ITGA4: variants seen among roughly 807,000 people sequenced by gnomAD.
The protein encoded by ITGA4 is integrin subunit alpha 4.
Under a neutral mutation model 133.6 loss-of-function variants are expected in ITGA4, and 63 were observed. The observed-to-expected ratio is 0.47, with a 90% CI of 0.38 to 0.58. The LOEUF is 0.58. Ranked by LOEUF, ITGA4 falls within the 20% of genes least tolerant of loss-of-function variation. ITGA4 has a pLI of 0.00. For missense variants in ITGA4, 1,076 were observed against 1,252.7 expected (o/e 0.86, Z 2.13); for synonymous variants, 483 against 438.0 (o/e 1.10, Z -1.28).
intron 15 of ITGA4, among the ~76,000 whole-genome samples, chr2:181,500,723 T>A (rs1382145749): frequency 6.6e-6 from 1 of 152,136 alleles, no homozygotes; most frequent in Non-Finnish European, 1.5e-5. Flanking sequence ...ATGGTTTACT[T>A]GTGTAGATGT....
At chr2:181,491,755 T>TCTC (rs1265250635) in intron 10 of ITGA4, among the ~76,000 whole-genome samples, 9 of 152,080 alleles carry the variant, frequency 5.9e-5, no homozygotes, top group African/African-American at 7.2e-5. Context: ...ACATCCCTCT[T>TCTC]CTCCTCCTCC....
chr2:181,482,612 A>G lies in ITGA4; in HGVS notation c.1002A>G (p.Arg334=). Residue 334 remains arginine, a synonymous_variant, in exon 9 of 28, where the codon AGA becomes AGG. Transcript: ENST00000397033. ...GAGCACCCATGCAGAGCACCATCAG[A>G]GAGGAAGGAAGAGTGTTTGTGTACA... The part of the protein sequence containing the change: ...LVGAPMQSTI[R]EEGRVFVYIN... 4 of 1,613,770 alleles carry G rather than the reference A, an allele frequency of 2.5e-6. No homozygotes were observed. The highest frequency in any genetic ancestry group is 3.4e-6 in the Non-Finnish European group (4 of 1,179,746).
rs1559062961 is a variant in ITGA4 at position 181,537,158 on chromosome 2, A to G, written c.*1631A>G. 3 of 453,924 alleles carry G rather than the reference A, an allele frequency of 6.6e-6. No homozygotes were observed. The highest frequency in any genetic ancestry group is 1.6e-5 in the South Asian group (1 of 64,460). 28.1% of individuals were successfully genotyped at this position (453,924 alleles called of 1,614,324 possible). A position where few individuals can be genotyped will look rare whatever the true frequency, so the allele number is the denominator to read the frequency against. The stretch of plus-strand genomic sequence containing the variant: ...TTGTATCGTTATAAAAAGGCTAGTC[A>G]TTCTTTCAGGAGAACATCTAGGATC... On this transcript the variant is annotated 3_prime_UTR_variant, in exon 28 of 28. Coordinates refer to ENST00000397033, the MANE Select transcript of ITGA4 (RefSeq NM_000885.6).
intron 25 of ITGA4, among the ~76,000 whole-genome samples, chr2:181,532,287 T>C (rs1839265): frequency 0.96 from 146,602 of 152,266 alleles, 70,801 homozygotes; most frequent in Middle Eastern, 1. Flanking sequence ...TCTAATTCTG[T>C]GAAGAAAGTC....
intron 10 of ITGA4, among the ~76,000 whole-genome samples, chr2:181,487,842 G>A (rs1317617671): frequency 1.3e-5 from 2 of 152,078 alleles, no homozygotes; most frequent in African/African-American, 2.4e-5. Context: ...CTTATTTCGT[G>A]GCAAGTTTAA....
intron 21 of ITGA4, 54 bp from the exon 22 acceptor site, chr2:181,527,243 T>TA: frequency 9.5e-7 from 1 of 1,053,626 alleles, no homozygotes; most frequent in Non-Finnish European, 1.5e-6. Context: ...AAAGACTCTT[T>TA]ATAATACGTC....
chr2:181,522,138 A>G, intron 17 of ITGA4, 53 bp from the exon 18 acceptor site: 1 of 1,121,062 alleles, frequency 8.9e-7, no homozygotes, highest in Non-Finnish European at 1.3e-6. Context: ...CATATAAGAG[A>G]GAGGGATTTT....
In ITGA4 at chr2:181,535,665, G is replaced by T; in HGVS notation, c.*138G>T. On this transcript the variant is annotated 3_prime_UTR_variant, in exon 28 of 28. Transcript: ENST00000397033. ...ATCTTGTGACATATTATGTCTTCAT[G>T]CAAGGGGAAAATCTCAGCAATGATT... is the stretch of plus-strand genomic sequence containing the variant. The T allele has an allele frequency of 2.7e-6, 3 of 1,113,368 alleles. No individual in the cohort carries two copies. Among genetic ancestry groups the T allele is most frequent in the Non-Finnish European group, 3.7e-6 (3 of 810,204 alleles). The allele number at this position is 1,113,368 out of a possible 1,614,324, so 69.0% of individuals were successfully genotyped here.
At chr2:181,501,669 G>A (rs756729320) in intron 15 of ITGA4, among the ~76,000 whole-genome samples, 2 of 152,124 alleles carry the variant, frequency 1.3e-5, no homozygotes, top group Non-Finnish European at 2.9e-5. Flanking sequence ...CTGGATGTCT[G>A]GCATCTGAGA....
rs1200851013 is a variant in ITGA4, at chr2:181,527,367, A to G, written c.2410A>G (p.Lys804Glu). 8 of 1,609,782 alleles carry G rather than the reference A, an allele frequency of 5.0e-6. No homozygotes were observed. The highest frequency in any genetic ancestry group is 6.8e-6 in the Non-Finnish European group (8 of 1,176,284). ...TGAGCCTGAAACGTGCATGGTGGAG[A>G]AAATGAACTTAACTTTCCATGTAAG... ...ENEPETCMVE[K>E]MNLTFHVINT... The change falls in exon 22 of 28, where the codon AAA (lysine) becomes GAA (glutamate). Residue 804 changes from lysine to glutamate, a missense_variant. Lys to Glu is a moderately conservative substitution (Grantham distance 56, BLOSUM62 1). Transcript: ENST00000397033.
intron 2 of ITGA4, among the ~76,000 whole-genome samples, chr2:181,468,024 A>T (rs192049612): frequency 6.6e-6 from 1 of 152,362 alleles, no homozygotes; most frequent in East Asian, 1.9e-4. Context: ...ATATGCTTAC[A>T]TTAATCTTTA....
intron 15 of ITGA4, among the ~76,000 whole-genome samples, chr2:181,509,040 G>C (rs1383489115): frequency 1.3e-5 from 2 of 150,082 alleles, no homozygotes; most frequent in Admixed American, 1.3e-4. Context: ...TACTCTGAAG[G>C]CTGAAGCAGA....
chr2:181,521,940 T>C (rs1686728525), intron 17 of ITGA4, among the ~76,000 whole-genome samples: 1 of 152,196 alleles, frequency 6.6e-6, no homozygotes, highest in Non-Finnish European at 1.5e-5. Context: ...TGAGAAAAGA[T>C]ACGAGTTTAA....
chr2:181,534,976 G>A (rs768502087), intron 27 of ITGA4, 41 bp downstream of exon 27: 4 of 1,520,532 alleles, frequency 2.6e-6, no homozygotes, highest in Non-Finnish European at 3.5e-6. Context: ...TACTAAAAAT[G>A]ACATTTTCTC....
At position 181,494,725 on chromosome 2, in the gene ITGA4, A is replaced by G; in HGVS notation, c.1252A>G (p.Ile418Val). The stretch of plus-strand genomic sequence containing the variant: ...ACTCAACTTTCCTATTTTTCAGAGA[A>G]TTGAAGGACTTCAGATCAGCAAATC... ...DGISSTFSQR[I>V]EGLQISKSLS... Residue 418 changes from isoleucine to valine, a missense_variant, in exon 12 of 28, where the codon ATT becomes GTT. Ile to Val is a conservative substitution (Grantham distance 29). Transcript: ENST00000397033. The G allele has an allele frequency of 1.3e-6, 2 of 1,570,544 alleles. No homozygotes were observed. Among genetic ancestry groups the G allele is most frequent in the Non-Finnish European group, 1.8e-6 (2 of 1,140,620 alleles).
Position 181,495,759 on chromosome 2 carries a change from T to C in ITGA4, c.1386-24T>C, listed in dbSNP as rs202125338. 4.8e-5 allele frequency: 77 copies of C among 1,597,788 alleles called. 3 individuals are homozygous for C. In the South Asian group the frequency reaches 8.6e-4, roughly 18 times the overall value. ...AGGAAAAATAATTCTGCAATTAACATTGCTACTTTTATTTCCTTCTCAGGA... is the reference window on the plus strand; with the variant it reads ...AGGAAAAATAATTCTGCAATTAACACTGCTACTTTTATTTCCTTCTCAGGA... On this transcript the variant is annotated intron_variant, in intron 13 of 27. Coordinates refer to ENST00000397033, the MANE Select transcript of ITGA4 (RefSeq NM_000885.6). This position sits in a 1 kb window ranked among gnomAD's most constrained non-coding sequence, Gnocchi z 4.3.
chr2:181,479,031 A>G (rs888999420), intron 5 of ITGA4: 2 of 353,078 alleles, frequency 5.7e-6, no homozygotes, highest in African/African-American at 2.1e-5. Context: ...GCTATACTGC[A>G]TAAGATGAAT....
At chr2:181,484,188 T>G (rs1278999760) in intron 9 of ITGA4, among the ~76,000 whole-genome samples, 3 of 152,194 alleles carry the variant, frequency 2.0e-5, no homozygotes, top group Non-Finnish European at 4.4e-5. Flanking sequence ...ATTGTCTGTC[T>G]TGTTTACCGT....
chr2:181,464,422 A>C (rs755279180), intron 2 of ITGA4, among the ~76,000 whole-genome samples: 8 of 152,180 alleles, frequency 5.3e-5, no homozygotes, highest in Admixed American at 6.5e-5. Flanking sequence ...GGAAATACAC[A>C]GTTGAATAAG....
Sources: gnomAD v4.1 joint callset for allele counts (sites outside exome capture counted in the v4.1 genomes callset) on GRCh38, gnomAD v4.1.1 for gene constraint, Gnocchi (gnomAD v3.1) non-coding constraint, MANE v1.5 for transcripts, NCBI Gene and HGNC (gene_info 2026-07-23, HGNC 2026-07-21) for gene names.